The following KMT5A variants were observed in gnomAD, a reference collection of about 807,000 sequenced individuals.
KMT5A encodes N-lysine methyltransferase KMT5A.
A neutral mutation model predicts 40.6 loss-of-function variants in KMT5A; 6 were observed. The ratio of observed to expected loss-of-function variants is 0.15; its 90% CI spans 0.08 to 0.29. The LOEUF (loss-of-function observed/expected upper bound fraction) is 0.29. Among genes scored for constraint, KMT5A ranks in the 10% least tolerant of loss-of-function variants. KMT5A has a pLI of 1.00. For missense variants in KMT5A, 308 were observed against 459.1 expected (o/e 0.67, Z 3.01); for synonymous variants, 153 against 178.8 (o/e 0.86, Z 1.15).
At chr12:123,401,662 A>C (rs1878190463) in intron 5 of KMT5A, among the ~76,000 whole-genome samples, 1 of 150,192 alleles carries the variant, frequency 6.7e-6, no homozygotes, top group African/African-American at 2.5e-5. Flanking sequence ...GCCTACTGCA[A>C]ACTCCACCTC....
intron 3 of KMT5A, 134 bp downstream of exon 3, chr12:123,390,920 T>A (rs944662147): frequency 9.3e-7 from 1 of 1,080,092 alleles, no homozygotes; most frequent in Non-Finnish European, 1.3e-6. Context: ...CCATGTTCTG[T>A]CTTGCTGCTG....
At chr12:123,395,927 C>T (rs1877688769) in intron 4 of KMT5A, among the ~76,000 whole-genome samples, 1 of 152,130 alleles carries the variant, frequency 6.6e-6, no homozygotes, top group Admixed American at 6.5e-5. Flanking sequence ...CTCACTGCAG[C>T]CTCAACCTCT....
At chr12:123,396,267 T>G in intron 4 of KMT5A, 78 bp from the exon 5 acceptor site, 1 of 1,349,026 alleles carries the variant, frequency 7.4e-7, no homozygotes. Context: ...GCCTCCTCGG[T>G]GTGTGCCTTC....
rs1014729763 is a variant in KMT5A, at chr12:123,407,991, CAA to C, written c.*290_*291del. On this transcript the variant is annotated 3_prime_UTR_variant, in exon 8 of 8. Transcript: ENST00000402868. ...CGTTTGTGCTTCCCGTGCATGCAGT[CAA>C]AGACTCAGCACAGGTTTTAGAGGAA... The C allele has an allele frequency of 8.1e-6, 3 of 371,922 alleles. No individual in the cohort carries two copies. The highest frequency in any genetic ancestry group is 4.3e-5 in the Admixed American group (1 of 23,304). The allele number at this position is 371,922 out of a possible 1,614,324, so 23.0% of individuals were successfully genotyped here. A position where few individuals can be genotyped will look rare whatever the true frequency, so the allele number is the denominator to read the frequency against.
intron 5 of KMT5A, among the ~76,000 whole-genome samples, chr12:123,398,549 A>G (rs150957172): frequency 2.0e-4 from 30 of 152,346 alleles, no homozygotes; most frequent in African/African-American, 7.2e-4. Flanking sequence ...AGAAGGGAAG[A>G]ACACACTTGC....
chr12:123,389,809 G>C (rs919619700), intron 2 of KMT5A, among the ~76,000 whole-genome samples: 1 of 152,054 alleles, frequency 6.6e-6, no homozygotes, highest in Non-Finnish European at 1.5e-5. Flanking sequence ...GTCCCAGGCT[G>C]TGCGGGGCCT....
intron 3 of KMT5A, among the ~76,000 whole-genome samples, chr12:123,391,930 A>G (rs1877346437): frequency 6.6e-6 from 1 of 152,232 alleles, no homozygotes; most frequent in Non-Finnish European, 1.5e-5. Flanking sequence ...CCCCTGGTAC[A>G]CAGGGCAATA....
chr12:123,391,735 C>G (rs1359787498), intron 3 of KMT5A, among the ~76,000 whole-genome samples: 1 of 152,238 alleles, frequency 6.6e-6, no homozygotes, highest in Admixed American at 6.5e-5. Context: ...ATGCTCTCTT[C>G]TAATTAAAAC....
At chr12:123,392,907 C>T (rs1385665646) in intron 3 of KMT5A, among the ~76,000 whole-genome samples, 1 of 152,136 alleles carries the variant, frequency 6.6e-6, no homozygotes, top group East Asian at 1.9e-4. Flanking sequence ...GACACAGTCT[C>T]GCTCTGTCTT....
chr12:123,400,267 C>T (rs1361923774), intron 5 of KMT5A, among the ~76,000 whole-genome samples: 1 of 151,304 alleles, frequency 6.6e-6, no homozygotes, highest in African/African-American at 2.4e-5. Flanking sequence ...GATCTCCTGA[C>T]CTTGTGATCC....
chr12:123,403,131 G>T (rs530178723), intron 5 of KMT5A, among the ~76,000 whole-genome samples: 1 of 152,118 alleles, frequency 6.6e-6, no homozygotes, highest in African/African-American at 2.4e-5. Flanking sequence ...TCTCGAACTC[G>T]TGACCTTACG....
At chr12:123,389,250 G>T in intron 1 of KMT5A, 183 bp from the exon 2 acceptor site, 1 of 167,008 alleles carries the variant, frequency 6.0e-6, no homozygotes, top group South Asian at 2.0e-4. Flanking sequence ...CCGGGCGGCG[G>T]GAGGGCGACG....
intron 5 of KMT5A, among the ~76,000 whole-genome samples, chr12:123,398,181 C>T (rs1005917672): frequency 2.0e-5 from 3 of 151,900 alleles, no homozygotes; most frequent in Non-Finnish European, 4.4e-5. Flanking sequence ...ACTTGGGAGG[C>T]TGAGATGGGA....
intron 5 of KMT5A, among the ~76,000 whole-genome samples, chr12:123,401,738 C>T (rs1027963128): frequency 5.3e-5 from 8 of 152,042 alleles, no homozygotes; most frequent in East Asian, 3.9e-4. Flanking sequence ...TGTGCCACCA[C>T]GCCCAGCTAA....
At chr12:123,389,587 G>C (rs1409281063) in intron 2 of KMT5A, 33 bp downstream of exon 2, 1 of 1,068,910 alleles carries the variant, frequency 9.4e-7, no homozygotes, top group African/African-American at 1.7e-5. Context: ...CCCCTGCGGC[G>C]CGCCCGCCGG....
chr12:123,390,161 G>A (rs1372878736), intron 2 of KMT5A: 1 of 464,594 alleles, frequency 2.2e-6, no homozygotes, highest in East Asian at 6.9e-5. Flanking sequence ...GTCAGGCTCC[G>A]GCGCTCATGG....
chr12:123,405,101 T>A lies in KMT5A; in HGVS notation c.848+27T>A, dbSNP rs1409847173. On this transcript the variant is annotated intron_variant, in intron 7 of 7. Transcript: ENST00000402868. ...TGAGTCCACTGTTGCTTAGAGTGGC[T>A]TTTCTGTCCTCTGGGCAGTGAGGAG... 6.3e-6 allele frequency: 10 copies of A among 1,582,734 alleles called. No homozygotes were observed. In the East Asian group the frequency reaches 1.8e-4, roughly 29 times the overall value.
intron 1 of KMT5A, 196 bp from the exon 2 acceptor site, chr12:123,389,232 TGGCCG>T: frequency 1.3e-4 from 17 of 133,844 alleles, no homozygotes; most frequent in Non-Finnish European, 2.2e-4. Context: ...GCGCGGGGCC[TGGCCG>T]GGCCGGGCGG....
At position 123,395,217 on chromosome 12, in the gene KMT5A, A is replaced by C. The variant is rs1877617990; in HGVS notation, c.460A>C (p.Lys154Gln). 7.4e-6 allele frequency: 12 copies of C among 1,613,712 alleles called. No homozygotes were observed. The highest frequency in any genetic ancestry group is 1.0e-5 in the Non-Finnish European group (12 of 1,179,864). ...SCDSTNAAIA[K>Q]QALKKPIKGK... Reference sequence around the variant, plus strand: ...TGATTCCACCAATGCAGCCATCGCCAAGCAAGCCCTGAAAAAGCCCATCAA... The same window carrying C: ...TGATTCCACCAATGCAGCCATCGCCCAGCAAGCCCTGAAAAAGCCCATCAA... Residue 154 changes from lysine to glutamine, a missense_variant, in exon 4 of 8, where the codon AAG (lysine) becomes CAG (glutamine). Coordinates refer to ENST00000402868, the MANE Select transcript of KMT5A (RefSeq NM_020382.7).
Sources: allele counts gnomAD v4.1 joint callset (sites outside exome capture counted in the v4.1 genomes callset), GRCh38; gene constraint gnomAD v4.1.1; transcripts MANE v1.5; gene names NCBI Gene and HGNC (gene_info 2026-07-23, HGNC 2026-07-21).